ARHGAP19: variants seen among roughly 807,000 people sequenced by gnomAD.
The protein encoded by ARHGAP19 is rho GTPase-activating protein 19.
Under a neutral mutation model 60.9 loss-of-function variants are expected in ARHGAP19, and 48 were observed. The ratio of observed to expected loss-of-function variants is 0.79; its 90% CI spans 0.62 to 1.00. ARHGAP19 has a LOEUF of 1.00. ARHGAP19 is among the 50% of genes least tolerant of loss of function. ARHGAP19 has a pLI of 0.00. For synonymous variants in ARHGAP19, 209 were observed against 215.5 expected (o/e 0.97, Z 0.27); for missense variants, 562 against 597.2 (o/e 0.94, Z 0.61).
At chr10:97,257,687 T>C (rs1842774842) in intron 5 of ARHGAP19, among the ~76,000 whole-genome samples, 1 of 152,156 alleles carries the variant, frequency 6.6e-6, no homozygotes, top group Non-Finnish European at 1.5e-5. Flanking sequence ...TTGATCTCCT[T>C]AATATGGACA....
chr10:97,229,536 T>C (rs994058018), intron 10 of ARHGAP19, among the ~76,000 whole-genome samples: 1 of 152,000 alleles, frequency 6.6e-6, no homozygotes, highest in African/African-American at 2.4e-5. Flanking sequence ...TGTACTGTAC[T>C]ACTCATCTGC....
At chr10:97,239,175 T>A (rs1842428499) in intron 8 of ARHGAP19, among the ~76,000 whole-genome samples, 1 of 152,094 alleles carries the variant, frequency 6.6e-6, no homozygotes, top group Admixed American at 6.6e-5. Flanking sequence ...CATATCCCAA[T>A]CATCAAGTGA....
At chr10:97,258,731 C>T (rs1431006480) in intron 5 of ARHGAP19, 2 of 152,596 alleles carry the variant, frequency 1.3e-5, no homozygotes, top group Non-Finnish European at 2.9e-5. Context: ...TACTCTCCTC[C>T]AGCGTGGGCA....
chr10:97,235,112 T>TC, intron 9 of ARHGAP19, 105 bp downstream of exon 9: 1 of 1,095,448 alleles, frequency 9.1e-7, no homozygotes, highest in South Asian at 1.4e-5. Flanking sequence ...ACTAGCCCTT[T>TC]ATAGGGTCCC....
intron 4 of ARHGAP19, among the ~76,000 whole-genome samples, chr10:97,262,157 GCCT>G (rs1409617632): frequency 6.7e-6 from 1 of 148,644 alleles, no homozygotes; most frequent in Non-Finnish European, 1.5e-5. Flanking sequence ...TTTGAGACCA[GCCT>G]GGGGAACAGG....
rs570351573 is a variant in ARHGAP19 at position 97,239,266 on chromosome 10, G to C, written c.1186-3951C>G. Among the ~76,000 whole-genome samples the C allele has an allele frequency of 5.9e-5, 9 of 152,136 alleles. No individual in the cohort carries two copies. The East Asian group carries it at 1.2e-3, about 20-fold the overall frequency. ...TCCCAACACTTTGGGAGGCCGAGGT[G>C]GGGGGATCACAAGGTCAGGAGAACG... On this transcript the variant is annotated intron_variant, in intron 8 of 11. Coordinates refer to ENST00000358531, the MANE Select transcript of ARHGAP19 (RefSeq NM_032900.6).
chr10:97,281,680 C>A (rs1428086733), intron 1 of ARHGAP19, among the ~76,000 whole-genome samples: 1 of 152,122 alleles, frequency 6.6e-6, no homozygotes, highest in African/African-American at 2.4e-5. Flanking sequence ...CTAAGTGCTA[C>A]GCGATTTCAA....
chr10:97,285,506 C>CT (rs1554867841), intron 1 of ARHGAP19, among the ~76,000 whole-genome samples: 516 of 129,544 alleles, frequency 4.0e-3, no homozygotes, highest in African/African-American at 7.0e-3. Flanking sequence ...ATAATTTTCT[C>CT]TTTTTTTTTT....
intron 1 of ARHGAP19, among the ~76,000 whole-genome samples, chr10:97,270,129 C>T (rs1186589438): frequency 6.7e-6 from 1 of 148,866 alleles, no homozygotes; most frequent in East Asian, 2.3e-4. Flanking sequence ...GATCTCCTAA[C>T]ACATAAGTAA....
chr10:97,249,572 A>G (rs1172002895), intron 6 of ARHGAP19, among the ~76,000 whole-genome samples: 1 of 152,208 alleles, frequency 6.6e-6, no homozygotes, highest in Non-Finnish European at 1.5e-5. Flanking sequence ...ACATTCTACA[A>G]CACAGTTAAC....
chr10:97,233,346 T>C (rs1264184826), intron 9 of ARHGAP19, among the ~76,000 whole-genome samples: 1 of 60,328 alleles, frequency 1.7e-5, no homozygotes, highest in African/African-American at 4.1e-5. Context: ...AGCAAGACCC[T>C]GTCTCAAAAA....
chr10:97,236,348 T>A (rs1842377855), intron 8 of ARHGAP19, among the ~76,000 whole-genome samples: 1 of 152,164 alleles, frequency 6.6e-6, no homozygotes, highest in Non-Finnish European at 1.5e-5. Flanking sequence ...CCAGTTCAAG[T>A]TCTGGAGGTT....
rs962131679 is a variant in ARHGAP19 at position 97,222,264 on chromosome 10, A to G, written c.*3858T>C. 1.3e-5 allele frequency: 2 copies of G among 152,268 alleles called. No homozygotes were observed. Among genetic ancestry groups the G allele is most frequent in the Non-Finnish European group, 2.9e-5 (2 of 68,042 alleles). 9.4% of individuals were successfully genotyped at this position (152,268 alleles called of 1,614,324 possible). ...TAGGATCGTTTCTTTACAATTACAT[A>G]TACATAGTCAAATAAGAATGAAAAC... On this transcript the variant is annotated 3_prime_UTR_variant, in exon 12 of 12. Transcript: ENST00000358531.
At chr10:97,246,423 A>G (rs1341470447) in intron 6 of ARHGAP19, 86 bp from the exon 7 acceptor site, 19 of 1,056,624 alleles carry the variant, frequency 1.8e-5, no homozygotes, top group Non-Finnish European at 2.7e-5. Context: ...GGTTCTCAAA[A>G]TCATTTGACC....
intron 8 of ARHGAP19, among the ~76,000 whole-genome samples, chr10:97,239,545 A>AGGTTGTGTGT (rs1564713401): frequency 5.7e-5 from 7 of 122,182 alleles, no homozygotes; most frequent in African/African-American, 2.2e-4. Context: ...AGAGAGAGAG[A>AGGTTGTGTGT]GAGAGGGTGT....
At chr10:97,286,834 A>G (rs942812118) in intron 1 of ARHGAP19, among the ~76,000 whole-genome samples, 3 of 152,202 alleles carry the variant, frequency 2.0e-5, no homozygotes, top group Non-Finnish European at 4.4e-5. Context: ...CCTACTGCCA[A>G]TTATGAGGAG....
intron 1 of ARHGAP19, among the ~76,000 whole-genome samples, chr10:97,289,281 AT>A (rs1298231104): frequency 1.3e-5 from 2 of 151,528 alleles, no homozygotes; most frequent in East Asian, 3.9e-4. Context: ...CGCTCTGCTA[AT>A]TTTGTGTATT....
At chr10:97,242,041 TAATA>T (rs1447379414) in intron 8 of ARHGAP19, among the ~76,000 whole-genome samples, 153 of 147,380 alleles carry the variant, frequency 1.0e-3, no homozygotes, top group African/African-American at 3.5e-3. Flanking sequence ...TAATAATAAT[TAATA>T]AATAAATAAA....
At chr10:97,270,282 T>C (rs1842945355) in intron 1 of ARHGAP19, among the ~76,000 whole-genome samples, 1 of 152,220 alleles carries the variant, frequency 6.6e-6, no homozygotes, top group Non-Finnish European at 1.5e-5. Flanking sequence ...ACTTTTTCTG[T>C]GTGGACCACC....
Sources: allele counts gnomAD v4.1 joint callset (sites outside exome capture counted in the v4.1 genomes callset), GRCh38; gene constraint gnomAD v4.1.1; transcripts MANE v1.5; gene names NCBI Gene and HGNC (gene_info 2026-07-23, HGNC 2026-07-21).